The following SMG6 variants were observed in gnomAD, a reference collection of about 807,000 sequenced individuals.
The protein encoded by SMG6 is SMG6 nonsense mediated mRNA decay factor, also known as telomerase-binding protein EST1A.
In SMG6, 66 loss-of-function variants were observed where a neutral mutation model predicts 142.2. The ratio of observed to expected loss-of-function variants is 0.46; its 90% CI spans 0.38 to 0.57. SMG6 has a LOEUF of 0.57. Among genes scored for constraint, SMG6 ranks in the 20% least tolerant of loss-of-function variants. The pLI is 0.00. For synonymous variants in SMG6, 779 were observed against 702.4 expected (o/e 1.11, Z -1.72); for missense variants, 1,793 against 1,832.0 (o/e 0.98, Z 0.39).
chr17:2,229,337 C>T (rs1375883509), intron 10 of SMG6: 1 of 152,262 alleles, frequency 6.6e-6, no homozygotes, highest in Non-Finnish European at 1.5e-5. Context: ...ACTCCTGTTC[C>T]TCTTCCTATC....
At chr17:2,065,718 A>G (rs770788412) in intron 16 of SMG6, 39 bp from the exon 17 acceptor site, 7 of 1,534,506 alleles carry the variant, frequency 4.6e-6, no homozygotes, top group Non-Finnish European at 6.2e-6. Context: ...AGCCTCAGCA[A>G]TCAGCTTTCA....
At chr17:2,294,433 G>A (rs191612737) in intron 4 of SMG6, among the ~76,000 whole-genome samples, 3 of 152,244 alleles carry the variant, frequency 2.0e-5, no homozygotes, top group East Asian at 1.9e-4. Flanking sequence ...AGTCCTGGAC[G>A]ATTGAGCCTC....
At chr17:2,283,839 C>T in intron 6 of SMG6, 104 bp from the exon 7 acceptor site, 3 of 802,652 alleles carry the variant, frequency 3.7e-6, no homozygotes, top group South Asian at 3.1e-5. Flanking sequence ...GCCTGTCTCC[C>T]AAACTGAGAG....
chr17:2,077,169 T>G lies in SMG6; in HGVS notation c.3681+4641A>C, dbSNP rs542166912. 4.6e-5 allele frequency among the ~76,000 whole-genome samples: 7 copies of G among 152,362 alleles called. No individual in the cohort carries two copies. The South Asian group carries it at 1.4e-3, about 32-fold the overall frequency. On this transcript the variant is annotated intron_variant, in intron 15 of 18. Transcript: ENST00000263073. Reference sequence around the variant, plus strand: ...GTACACTCTGGAATGTGATTAGTTCTGTGTCCCCCAGACACTGGCACAGTA... The same window carrying G: ...GTACACTCTGGAATGTGATTAGTTCGGTGTCCCCCAGACACTGGCACAGTA...
chr17:2,281,393 T>C (rs2074782532), intron 8 of SMG6, among the ~76,000 whole-genome samples: 1 of 152,138 alleles, frequency 6.6e-6, no homozygotes. Context: ...CCTCCCAAAG[T>C]GCTGGGATTA....
chr17:2,089,677 A>T (rs1029798165), intron 13 of SMG6: 14 of 152,054 alleles, frequency 9.2e-5, no homozygotes, highest in African/African-American at 3.4e-4. Flanking sequence ...AACCAAGCAG[A>T]AAGGAAAACT....
intron 13 of SMG6, among the ~76,000 whole-genome samples, chr17:2,147,956 G>A (rs952177935): frequency 3.9e-5 from 6 of 152,288 alleles, no homozygotes; most frequent in South Asian, 2.1e-4. Context: ...GCTTTGGGCC[G>A]AGGTGGGTGG....
chr17:2,243,972 G>A (rs1347773939), intron 9 of SMG6, among the ~76,000 whole-genome samples: 1 of 152,158 alleles, frequency 6.6e-6, no homozygotes, highest in South Asian at 2.1e-4. Context: ...TAGGCATTAC[G>A]TTGGGCTTAG....
chr17:2,216,367 G>T (rs902903237), intron 10 of SMG6, among the ~76,000 whole-genome samples: 4 of 152,058 alleles, frequency 2.6e-5, no homozygotes, highest in African/African-American at 9.7e-5. Context: ...AGAAAAGGGG[G>T]GGAAAAAGTA....
chr17:2,298,910 G>C lies in SMG6; in HGVS notation c.1843C>G (p.Leu615Val). Reference sequence around the variant, plus strand: ...CCAGAATAGACCACATCATACCTGAGTTGCGCCATCTTCTCCAGGCCCTCC... The same window carrying C: ...CCAGAATAGACCACATCATACCTGACTTGCGCCATCTTCTCCAGGCCCTCC... ...SPEGLEKMAQ[L>V]RAELLQLYER... is the part of the protein sequence containing the mutation. Residue 615 changes from leucine (L) to valine (V), a missense_variant, in exon 2 of 19, where the codon CTC (leucine) becomes GTC (valine). This residue lies in a region of SMG6 where 1,597 missense variants were observed against 1,584.6 expected (regional missense o/e 1.01). Coordinates refer to ENST00000263073, the MANE Select transcript of SMG6 (RefSeq NM_017575.5). 1 of 1,612,378 alleles carries C rather than the reference G, an allele frequency of 6.2e-7. No homozygotes were observed. The highest frequency in any genetic ancestry group is 1.7e-4 in the Middle Eastern group (1 of 6,050).
chr17:2,185,043 C>T (rs1380569116), intron 12 of SMG6, among the ~76,000 whole-genome samples: 1 of 143,470 alleles, frequency 7.0e-6, no homozygotes, highest in Non-Finnish European at 1.5e-5. Context: ...CTGAAAGAAA[C>T]CTACTTGGGG....
intron 9 of SMG6, among the ~76,000 whole-genome samples, chr17:2,240,799 C>T (rs959803377): frequency 1.1e-4 from 17 of 152,220 alleles, no homozygotes; most frequent in South Asian, 2.1e-4. Flanking sequence ...GCGCAGCGTC[C>T]GAGCTTTTCC....
chr17:2,247,851 T>C (rs2073958082), intron 8 of SMG6, among the ~76,000 whole-genome samples: 1 of 151,006 alleles, frequency 6.6e-6, no homozygotes, highest in Admixed American at 6.6e-5. Context: ...CCCAGCACTT[T>C]TGGAGGTTGA....
chr17:2,203,158 T>C (rs2151728270), intron 10 of SMG6, among the ~76,000 whole-genome samples: 1 of 152,308 alleles, frequency 6.6e-6, no homozygotes, highest in Non-Finnish European at 1.5e-5. Context: ...CTCCAATAGA[T>C]TTCCTGGAAA....
At chr17:2,239,552 T>C (rs951302939) in intron 9 of SMG6, among the ~76,000 whole-genome samples, 1 of 152,134 alleles carries the variant, frequency 6.6e-6, no homozygotes, top group Non-Finnish European at 1.5e-5. Flanking sequence ...ATGAAAATAG[T>C]TGTAAAGCAA....
intron 8 of SMG6, among the ~76,000 whole-genome samples, chr17:2,263,666 G>A (rs978122771): frequency 6.6e-6 from 1 of 151,866 alleles, no homozygotes; most frequent in Non-Finnish European, 1.5e-5. Context: ...CTCATACTAG[G>A]GAGAAAAAAA....
At chr17:2,300,722 A>G in intron 1 of SMG6, 58 bp from the exon 2 acceptor site, 1 of 1,439,396 alleles carries the variant, frequency 6.9e-7, no homozygotes, top group South Asian at 1.4e-5. Flanking sequence ...ATAAAGAAGG[A>G]AGATAGGGGA....
At chr17:2,211,237 T>C (rs1404318284) in intron 10 of SMG6, among the ~76,000 whole-genome samples, 1 of 152,134 alleles carries the variant, frequency 6.6e-6, no homozygotes, top group Non-Finnish European at 1.5e-5. Flanking sequence ...AGACAAATTC[T>C]AATACATATA....
At chr17:2,245,359 C>T (rs1028019295) in intron 8 of SMG6, among the ~76,000 whole-genome samples, 5 of 152,108 alleles carry the variant, frequency 3.3e-5, no homozygotes, top group Non-Finnish European at 4.4e-5. Flanking sequence ...TCTATGTAGG[C>T]CCAAGCTGGA....
Sources: allele counts gnomAD v4.1 joint callset (sites outside exome capture counted in the v4.1 genomes callset), GRCh38; gene constraint gnomAD v4.1.1; regional missense constraint gnomAD v4.1.1; transcripts MANE v1.5; gene names NCBI Gene and HGNC (gene_info 2026-07-23, HGNC 2026-07-21).